Variants in STX8 observed in about 807,000 individuals in gnomAD.
The protein encoded by STX8 is syntaxin-8.
STX8 carries 23 observed loss-of-function variants against 37.5 expected under a neutral mutation model. The ratio of observed to expected loss-of-function variants is 0.61; its 90% CI spans 0.44 to 0.87. The LOEUF is 0.87. Among genes scored for constraint, STX8 ranks in the 40% least tolerant of loss-of-function variants. STX8 has a pLI of 0.00. For synonymous variants in STX8, 115 were observed against 99.1 expected (o/e 1.16, Z -0.95); for missense variants, 313 against 284.7 (o/e 1.10, Z -0.71).
rs547368577 is a variant in STX8, at chr17:9,303,572, C to T, written c.644-52927G>A. Among the ~76,000 whole-genome samples the T allele has an allele frequency of 6.9e-4, 105 of 152,134 alleles. 4 individuals carry two copies. The South Asian group carries it at 0.02, about 29-fold the overall frequency. On this transcript the variant is annotated intron_variant, in intron 7 of 7. Transcript: ENST00000306357. ...ATATTTTCTTCAGTAAATGTGATTTCGCCACACATAAAAGAAAATATAAGA... is the reference window on the plus strand; with the variant it reads ...ATATTTTCTTCAGTAAATGTGATTTTGCCACACATAAAAGAAAATATAAGA...
At chr17:9,473,401 C>T (rs1567575852) in intron 6 of STX8, among the ~76,000 whole-genome samples, 1 of 152,082 alleles carries the variant, frequency 6.6e-6, no homozygotes, top group African/African-American at 2.4e-5. Flanking sequence ...TATAGTCATC[C>T]CTTGGTATCT....
intron 6 of STX8, among the ~76,000 whole-genome samples, chr17:9,393,252 C>A (rs1597643892): frequency 6.6e-6 from 1 of 152,158 alleles, no homozygotes; most frequent in East Asian, 1.9e-4. Context: ...CTATAACCAG[C>A]AAAACTATCC....
intron 6 of STX8, among the ~76,000 whole-genome samples, chr17:9,378,909 A>G (rs1245007246): frequency 6.6e-6 from 1 of 152,140 alleles, no homozygotes; most frequent in African/African-American, 2.4e-5. Context: ...AGAAAGCATG[A>G]CCTGCCGAAT....
At chr17:9,405,311 T>C (rs562676040) in intron 6 of STX8, among the ~76,000 whole-genome samples, 5 of 152,146 alleles carry the variant, frequency 3.3e-5, no homozygotes, top group Non-Finnish European at 5.9e-5. Flanking sequence ...TGGAAGCAAG[T>C]AGAACACATT....
chr17:9,396,714 GA>G (rs368111268), intron 6 of STX8, among the ~76,000 whole-genome samples: 30,255 of 121,176 alleles, frequency 0.25, 3,134 homozygotes, highest in African/African-American at 0.26. Flanking sequence ...AACACCATCT[GA>G]AAAAAAAAAA....
At chr17:9,265,823 G>T (rs192710704) in intron 7 of STX8, among the ~76,000 whole-genome samples, 1 of 152,164 alleles carries the variant, frequency 6.6e-6, no homozygotes, top group East Asian at 1.9e-4. Context: ...GGCGCTGGAG[G>T]GGGGCTTCAG....
chr17:9,495,054 T>G (rs7219738), intron 5 of STX8, among the ~76,000 whole-genome samples: 2,484 of 152,310 alleles, frequency 0.016, 68 homozygotes, highest in African/African-American at 0.057. Context: ...GCATTAACAT[T>G]TACTTATATT....
chr17:9,315,679 C>T (rs765879231), intron 7 of STX8, among the ~76,000 whole-genome samples: 4 of 152,086 alleles, frequency 2.6e-5, no homozygotes, highest in South Asian at 2.1e-4. Flanking sequence ...TGGTTTCTAT[C>T]GGAGGCTATG....
At chr17:9,538,986 TATC>T (rs1319112694) in intron 4 of STX8, among the ~76,000 whole-genome samples, 7 of 152,192 alleles carry the variant, frequency 4.6e-5, no homozygotes, top group Non-Finnish European at 1.0e-4. Context: ...AGACAGGGCT[TATC>T]TTCTTCTAAG....
At chr17:9,547,230 GA>G (rs1445277530) in intron 3 of STX8, 1 of 130,128 alleles carries the variant, frequency 7.7e-6, no homozygotes, top group African/African-American at 3.1e-5. Flanking sequence ...CCTGGTGAAA[GA>G]GCGAGACTCT....
At chr17:9,310,184 C>T (rs1196026482) in intron 7 of STX8, among the ~76,000 whole-genome samples, 2 of 152,038 alleles carry the variant, frequency 1.3e-5, no homozygotes, top group East Asian at 3.9e-4. Context: ...CACAAAAAAA[C>T]AGGCACCCTG....
In STX8 at chr17:9,499,543, C is replaced by T. The variant is rs555876108; in HGVS notation, c.448+5495G>A. On this transcript the variant is annotated intron_variant, in intron 5 of 7. Transcript: ENST00000306357. ...CCTCCCGAGTAGCTGGGACTACAGG[C>T]GCCCGCCACGGACGCCCAGCTAATT... 6.1e-4 allele frequency among the ~76,000 whole-genome samples: 93 copies of T among 152,222 alleles called. 1 individual carries two copies. The highest frequency in any genetic ancestry group is 2.2e-3 in the African/African-American group (90 of 41,542).
intron 7 of STX8, among the ~76,000 whole-genome samples, chr17:9,254,242 C>T (rs934590202): frequency 2.0e-5 from 3 of 152,266 alleles, no homozygotes; most frequent in Admixed American, 1.3e-4. Flanking sequence ...AGGGGCCCTG[C>T]CTCCCAGCTT....
At chr17:9,291,341 G>A (rs1177170007) in intron 7 of STX8, among the ~76,000 whole-genome samples, 8 of 151,386 alleles carry the variant, frequency 5.3e-5, no homozygotes, top group Non-Finnish European at 1.0e-4. Flanking sequence ...AGCTACTCAG[G>A]AGGGAGGGAG....
intron 7 of STX8, among the ~76,000 whole-genome samples, chr17:9,308,024 GATTT>G (rs1163131360): frequency 2.6e-5 from 4 of 152,180 alleles, no homozygotes; most frequent in African/African-American, 9.7e-5. Context: ...AAGCACAACA[GATTT>G]ATTTAATCAA....
intron 6 of STX8, among the ~76,000 whole-genome samples, chr17:9,433,119 A>G (rs1914034744): frequency 6.6e-6 from 1 of 152,134 alleles, no homozygotes; most frequent in South Asian, 2.1e-4. Context: ...TGAGCTCCCA[A>G]ATGCTTTATA....
intron 4 of STX8, among the ~76,000 whole-genome samples, chr17:9,535,268 A>G (rs1317206178): frequency 6.6e-6 from 1 of 152,030 alleles, no homozygotes; most frequent in African/African-American, 2.4e-5. Flanking sequence ...AGTAGGATAC[A>G]AAAGTTTAAC....
At chr17:9,351,394 T>G (rs1910702220) in intron 7 of STX8, among the ~76,000 whole-genome samples, 1 of 152,078 alleles carries the variant, frequency 6.6e-6, no homozygotes, top group African/African-American at 2.4e-5. Flanking sequence ...CCTGACCTCG[T>G]GATCTGCCCG....
chr17:9,484,384 CAAAA>C (rs58573668), intron 6 of STX8, among the ~76,000 whole-genome samples: 1 of 70,088 alleles, frequency 1.4e-5, no homozygotes, highest in Non-Finnish European at 3.1e-5. Context: ...AACCTAAGCT[CAAAA>C]AAAAAAAAAA....
Sources: allele counts gnomAD v4.1 joint callset (sites outside exome capture counted in the v4.1 genomes callset), GRCh38; gene constraint gnomAD v4.1.1; transcripts MANE v1.5; gene names NCBI Gene and HGNC (gene_info 2026-07-23, HGNC 2026-07-21).